The following ARHGEF18 variants were observed in gnomAD, a reference collection of about 807,000 sequenced individuals.
The protein encoded by ARHGEF18 is Rho/Rac guanine nucleotide exchange factor 18.
A neutral mutation model predicts 155.7 loss-of-function variants in ARHGEF18; 93 were observed. The ratio of observed to expected loss-of-function variants is 0.60; its 90% CI spans 0.50 to 0.71. The LOEUF is 0.71. Among genes scored for constraint, ARHGEF18 ranks in the 30% least tolerant of loss-of-function variants. The pLI, the probability that ARHGEF18 is intolerant of heterozygous loss-of-function variation, is 0.00. For synonymous variants in ARHGEF18, 742 were observed against 753.1 expected (o/e 0.99, Z 0.24); for missense variants, 1,593 against 1,816.1 (o/e 0.88, Z 2.23).
At chr19:7,475,000 G>A (rs973853911), downstream of ARHGEF18, among the ~76,000 whole-genome samples, 39 of 152,222 alleles carry the variant, frequency 2.6e-4, no homozygotes, top group African/African-American at 7.7e-4. Context: ...TTGGGAGGCC[G>A]AAGTGGGTGA....
chr19:7,392,549 A>AAC (rs1971461920), intron 10 of ARHGEF18: 2 of 144,996 alleles, frequency 1.4e-5, no homozygotes, highest in African/African-American at 5.0e-5. Flanking sequence ...AAAAAAAAAC[A>AAC]AAAAAAAAAC....
At chr19:7,399,832 G>A (rs1009478924) in intron 10 of ARHGEF18, among the ~76,000 whole-genome samples, 1 of 151,118 alleles carries the variant, frequency 6.6e-6, no homozygotes, top group Non-Finnish European at 1.5e-5. Flanking sequence ...GAGAGCAGTG[G>A]TACGATCACA....
intron 10 of ARHGEF18, among the ~76,000 whole-genome samples, chr19:7,422,716 CTT>C (rs67634093): frequency 0.18 from 19,716 of 110,404 alleles, 1,024 homozygotes; most frequent in Non-Finnish European, 0.21. Flanking sequence ...TCTAACTTTT[CTT>C]TTTTTTTTTT....
At position 7,451,239 on chromosome 19, in the gene ARHGEF18, G is replaced by A. The variant is rs1000356927; in HGVS notation, c.1828G>A (p.Val610Met). The stretch of plus-strand genomic sequence containing the variant: ...ACGCATAACCAAATACCCAGTGCTG[G>A]TGGAGCGCATCATCCAGAACACGGA... ...TQRITKYPVL[V>M]ERIIQNTEAG... Residue 610 changes from valine (V) to methionine (M), a missense_variant, in exon 16 of 29, where the codon GTG becomes ATG. Coordinates refer to ENST00000668164, the MANE Select transcript of ARHGEF18 (RefSeq NM_001367823.1). 1 of 1,610,342 alleles carries A rather than the reference G, an allele frequency of 6.2e-7. No individual in the cohort carries two copies. The highest frequency in any genetic ancestry group is 1.4e-5 in the African/African-American group (1 of 73,688).
intron 10 of ARHGEF18, among the ~76,000 whole-genome samples, chr19:7,405,445 G>A (rs1473998964): frequency 2.0e-5 from 3 of 152,012 alleles, no homozygotes; most frequent in East Asian, 1.9e-4. Context: ...ACCCTAAATC[G>A]AAATTTCATC....
At chr19:7,434,955 A>G (rs1302016447) in intron 10 of ARHGEF18, among the ~76,000 whole-genome samples, 2 of 152,222 alleles carry the variant, frequency 1.3e-5, no homozygotes, top group Non-Finnish European at 2.9e-5. Flanking sequence ...TAATCCCAGC[A>G]CTTTGGGAGG....
intron 15 of ARHGEF18, among the ~76,000 whole-genome samples, chr19:7,449,002 C>A (rs148894005): frequency 1.3e-5 from 2 of 152,016 alleles, no homozygotes; most frequent in Non-Finnish European, 2.9e-5. Flanking sequence ...GAGTGACATG[C>A]GTTTAAACTT....
At chr19:7,422,368 C>T (rs529863736) in intron 10 of ARHGEF18, among the ~76,000 whole-genome samples, 5 of 151,772 alleles carry the variant, frequency 3.3e-5, no homozygotes, top group East Asian at 1.9e-4. Context: ...CCCCGCCCCG[C>T]GCAGCCTTCT....
intron 10 of ARHGEF18, among the ~76,000 whole-genome samples, chr19:7,429,413 G>A (rs1026982804): frequency 1.5e-4 from 23 of 152,132 alleles, no homozygotes; most frequent in African/African-American, 5.6e-4. Flanking sequence ...GACCAGCTTG[G>A]CCAACGTGGT....
At chr19:7,391,819 C>A (rs1324472086) in intron 10 of ARHGEF18, among the ~76,000 whole-genome samples, 1 of 145,564 alleles carries the variant, frequency 6.9e-6, no homozygotes, top group African/African-American at 2.6e-5. Flanking sequence ...CATAGGAGAC[C>A]ACCCCTGCCA....
downstream of ARHGEF18, chr19:7,477,247 G>A: frequency 6.4e-7 from 1 of 1,572,780 alleles, no homozygotes; most frequent in Non-Finnish European, 8.6e-7. Flanking sequence ...GGGCCGCCTG[G>A]TACATGCTGA....
At chr19:7,349,613 AC>A (rs747594700) in intron 1 of ARHGEF18, among the ~76,000 whole-genome samples, 1 of 152,024 alleles carries the variant, frequency 6.6e-6, no homozygotes, top group Non-Finnish European at 1.5e-5. Context: ...CCCCGTCTCT[AC>A]TAAAAATACA....
At chr19:7,431,510 C>CAAAAAAAAAAAAAAAAAAA (rs34609858) in intron 10 of ARHGEF18, among the ~76,000 whole-genome samples, 5 of 51,294 alleles carry the variant, frequency 9.7e-5, no homozygotes, top group African/African-American at 1.6e-4. Flanking sequence ...GACTCCATCT[C>CAAAAAAAAAAAAAAAAAAA]AAAAAAAAAA....
intron 10 of ARHGEF18, among the ~76,000 whole-genome samples, chr19:7,421,415 T>C (rs903884574): frequency 3.9e-5 from 6 of 152,134 alleles, no homozygotes; most frequent in African/African-American, 1.4e-4. Context: ...GCCGGACAAC[T>C]GTACCCCCCT....
chr19:7,474,566 T>C (rs1414887334), downstream of ARHGEF18, among the ~76,000 whole-genome samples: 1 of 151,758 alleles, frequency 6.6e-6, no homozygotes, highest in Non-Finnish European at 1.5e-5. Flanking sequence ...TTTGTAGAGA[T>C]GGGGTTTCAC....
At chr19:7,474,754 AGTGTGTGT>A (rs3219570), downstream of ARHGEF18, among the ~76,000 whole-genome samples, 118 of 142,038 alleles carry the variant, frequency 8.3e-4, no homozygotes, top group African/African-American at 3.1e-3. Flanking sequence ...TGGGCATTGG[AGTGTGTGT>A]GTGTGTGTGT....
At chr19:7,411,261 C>CCCCTTCCCCTTCCCCTTT (rs1972662056) in intron 10 of ARHGEF18, among the ~76,000 whole-genome samples, 2 of 119,950 alleles carry the variant, frequency 1.7e-5, no homozygotes, top group East Asian at 5.3e-4. Flanking sequence ...TCTTCCCCTT[C>CCCCTTCCCCTTCCCCTTT]CCCTTCCCCT....
chr19:7,380,833 G>A lies in ARHGEF18; in HGVS notation c.645-84G>A, dbSNP rs147083824. 1.1e-4 allele frequency: 99 copies of A among 863,220 alleles called. 1 individual carries two copies. The East Asian group carries it at 3.2e-3, about 28-fold the overall frequency. The allele number at this position is 863,220 out of a possible 1,614,324, so 53.5% of individuals were successfully genotyped here. A position where few individuals can be genotyped will look rare whatever the true frequency, so the allele number is the denominator to read the frequency against. Reference sequence around the variant, plus strand: ...TGGGCTCTTAGACGGGGTACCTGGTGTATGCCTGTACTCGGTAGCACTGGG... The same window carrying A: ...TGGGCTCTTAGACGGGGTACCTGGTATATGCCTGTACTCGGTAGCACTGGG... On this transcript the variant is annotated intron_variant, in intron 7 of 28. Transcript: ENST00000668164.
Position 7,395,393 on chromosome 19 carries a change from A to G in ARHGEF18, c.967+12190A>G. 1 of 866,970 alleles carries G rather than the reference A, an allele frequency of 1.2e-6. No homozygotes were observed. The highest frequency in any genetic ancestry group is 1.4e-6 in the Non-Finnish European group (1 of 721,800). The allele number at this position is 866,970 out of a possible 1,614,324, so 53.7% of individuals were successfully genotyped here. On this transcript the variant is annotated intron_variant, in intron 10 of 28. Coordinates refer to ENST00000668164, the MANE Select transcript of ARHGEF18 (RefSeq NM_001367823.1). This position sits in a 1 kb window ranked among gnomAD's most constrained non-coding sequence, Gnocchi z 5.0. Reference sequence around the variant, plus strand: ...CTGGGGGACTTCTCCAGGCAGGCGAACGGGTGCTGGGGTGCAGGCTGCTCC... The same window carrying G: ...CTGGGGGACTTCTCCAGGCAGGCGAGCGGGTGCTGGGGTGCAGGCTGCTCC...
Sources: gnomAD v4.1 joint callset for allele counts (sites outside exome capture counted in the v4.1 genomes callset) on GRCh38, gnomAD v4.1.1 for gene constraint, Gnocchi (gnomAD v3.1) non-coding constraint, MANE v1.5 for transcripts, NCBI Gene and HGNC (gene_info 2026-07-23, HGNC 2026-07-21) for gene names.